SPAG16: variants seen among roughly 807,000 people sequenced by gnomAD.
SPAG16 encodes the protein sperm-associated antigen 16 protein.
In SPAG16, 86 loss-of-function variants were observed where a neutral mutation model predicts 80.4. That is an observed-to-expected ratio of 1.07 (90% confidence interval 0.90 to 1.28). The LOEUF (loss-of-function observed/expected upper bound fraction) is 1.28, where lower values mean the gene tolerates loss of function less well. SPAG16 is among the 50% of genes most tolerant of loss of function. SPAG16 has a pLI of 0.00. For missense variants in SPAG16, 870 were observed against 765.3 expected (o/e 1.14, Z -1.61); for synonymous variants, 294 against 265.9 (o/e 1.11, Z -1.03).
At chr2:213,297,448 T>G in intron 3 of SPAG16, 91 bp downstream of exon 3, 1 of 668,464 alleles carries the variant, frequency 1.5e-6, no homozygotes, top group Non-Finnish European at 2.6e-6. Context: ...AATACTAGTG[T>G]AGCTCAGTCA....
At chr2:213,898,387 T>G (rs2077078986) in intron 11 of SPAG16, among the ~76,000 whole-genome samples, 1 of 152,168 alleles carries the variant, frequency 6.6e-6, no homozygotes, top group Non-Finnish European at 1.5e-5. Context: ...CTGAGGGTTA[T>G]CAATTCCTTG....
intron 12 of SPAG16, among the ~76,000 whole-genome samples, chr2:213,934,695 T>C (rs2078913518): frequency 6.6e-6 from 1 of 152,224 alleles, no homozygotes; most frequent in South Asian, 2.1e-4. Context: ...CACTAAGTTC[T>C]ATACAATAGA....
intron 12 of SPAG16, among the ~76,000 whole-genome samples, chr2:213,932,147 CATATATAT>C (rs61264162): frequency 0.017 from 515 of 30,046 alleles, 1 homozygote; most frequent in East Asian, 0.045. Flanking sequence ...CTTGATACTG[CATATATAT>C]ATATATATAT....
At chr2:214,020,880 G>T (rs888880617) in intron 13 of SPAG16, among the ~76,000 whole-genome samples, 7 of 152,050 alleles carry the variant, frequency 4.6e-5, no homozygotes, top group African/African-American at 1.4e-4. Context: ...ACTTTTAAAG[G>T]TTACTGCCCT....
chr2:214,099,107 T>A (rs982092540), intron 13 of SPAG16, among the ~76,000 whole-genome samples: 1 of 152,096 alleles, frequency 6.6e-6, no homozygotes, highest in Non-Finnish European at 1.5e-5. Context: ...GATTGTTTAC[T>A]TGTAAGCAGG....
At chr2:214,184,963 G>A (rs1201409971) in intron 15 of SPAG16, among the ~76,000 whole-genome samples, 1 of 151,710 alleles carries the variant, frequency 6.6e-6, no homozygotes, top group Non-Finnish European at 1.5e-5. Context: ...TTTGCATTTA[G>A]AATATTCTAT....
chr2:213,982,163 A>G (rs2045781364), intron 12 of SPAG16, among the ~76,000 whole-genome samples: 1 of 149,448 alleles, frequency 6.7e-6, no homozygotes, highest in African/African-American at 2.6e-5. Context: ...ATTTGCGACA[A>G]TTTAAAAGTT....
intron 15 of SPAG16, among the ~76,000 whole-genome samples, chr2:214,350,093 C>A (rs1206030829): frequency 6.6e-6 from 1 of 152,082 alleles, no homozygotes; most frequent in Non-Finnish European, 1.5e-5. Context: ...TTTTTCCTGG[C>A]TACTTAGAGG....
intron 13 of SPAG16, among the ~76,000 whole-genome samples, chr2:214,038,344 AT>A (rs1400155461): frequency 6.6e-6 from 1 of 151,798 alleles, no homozygotes; most frequent in Non-Finnish European, 1.5e-5. Flanking sequence ...CAACTTCCCT[AT>A]TTTCTCTCTT....
intron 10 of SPAG16, among the ~76,000 whole-genome samples, chr2:213,782,603 T>C (rs1011344831): frequency 5.3e-5 from 8 of 152,150 alleles, no homozygotes; most frequent in South Asian, 2.1e-4. Flanking sequence ...GGAATCTATA[T>C]TGGTCATAAC....
intron 13 of SPAG16, among the ~76,000 whole-genome samples, chr2:214,077,722 T>C (rs2051149768): frequency 6.6e-6 from 1 of 152,190 alleles, no homozygotes; most frequent in Non-Finnish European, 1.5e-5. Context: ...ATCCAGATGA[T>C]GTACCCTAGA....
intron 11 of SPAG16, among the ~76,000 whole-genome samples, chr2:213,922,382 T>C (rs1050521217): frequency 3.3e-5 from 5 of 152,144 alleles, no homozygotes; most frequent in African/African-American, 1.2e-4. Context: ...TTAGATGAGT[T>C]TGGTTCCTTT....
At chr2:214,070,402 C>G (rs1274908609) in intron 13 of SPAG16, among the ~76,000 whole-genome samples, 2 of 151,766 alleles carry the variant, frequency 1.3e-5, no homozygotes, top group East Asian at 3.9e-4. Context: ...TATTGTTTTC[C>G]AAATACTAAG....
chr2:213,520,368 C>T lies in SPAG16; in HGVS notation c.1070+30278C>T, dbSNP rs12464629. On this transcript the variant is annotated intron_variant, in intron 10 of 15. Coordinates refer to ENST00000331683, the MANE Select transcript of SPAG16 (RefSeq NM_024532.5). ...TTGGGAGGCTGAGGCGGGAAGATCA[C>T]GAGGTCAGGAGATTGAGACCATCCT... 6.1e-3 allele frequency among the ~76,000 whole-genome samples: 921 copies of T among 151,800 alleles called. 5 individuals carry two copies. Among genetic ancestry groups the T allele is most frequent in the Admixed American group, 0.011 (170 of 15,256 alleles).
chr2:213,436,986 A>G (rs112747049), intron 9 of SPAG16, among the ~76,000 whole-genome samples: 3,544 of 150,840 alleles, frequency 0.023, 57 homozygotes, highest in African/African-American at 0.039. Context: ...ATCTCGGTTC[A>G]CTGCAAGCTC....
At chr2:214,328,105 T>C (rs1329669213) in intron 15 of SPAG16, among the ~76,000 whole-genome samples, 4 of 152,210 alleles carry the variant, frequency 2.6e-5, no homozygotes, top group African/African-American at 9.6e-5. Context: ...TGAACTTATA[T>C]TGTACAGTTG....
At chr2:213,340,468 T>G (rs1403054895) in intron 6 of SPAG16, among the ~76,000 whole-genome samples, 198 bp downstream of exon 6, 1 of 152,062 alleles carries the variant, frequency 6.6e-6, no homozygotes. Context: ...AGAAATATAC[T>G]GAAATACACT....
intron 10 of SPAG16, among the ~76,000 whole-genome samples, chr2:213,505,391 T>C (rs1162854704): frequency 1.6e-4 from 24 of 152,134 alleles, no homozygotes; most frequent in Non-Finnish European, 2.9e-5. Context: ...GTAGCATCAC[T>C]CTGCAAGATT....
At chr2:213,328,238 G>A (rs967244899) in intron 5 of SPAG16, among the ~76,000 whole-genome samples, 1 of 152,020 alleles carries the variant, frequency 6.6e-6, no homozygotes, top group African/African-American at 2.4e-5. Flanking sequence ...GAGCTAACTT[G>A]TTTTGATAGC....
Sources: gnomAD v4.1 joint callset for allele counts (sites outside exome capture counted in the v4.1 genomes callset) on GRCh38, gnomAD v4.1.1 for gene constraint, MANE v1.5 for transcripts, NCBI Gene and HGNC (gene_info 2026-07-23, HGNC 2026-07-21) for gene names.